The following F13A1 variants were observed in gnomAD, a reference collection of about 807,000 sequenced individuals.
F13A1 encodes the protein coagulation factor XIII A chain.
F13A1 carries 47 observed loss-of-function variants against 80.1 expected under a neutral mutation model. That is an observed-to-expected ratio of 0.59 (90% CI 0.46 to 0.75). The LOEUF (loss-of-function observed/expected upper bound fraction) is 0.75, where lower values mean the gene tolerates loss of function less well. Among genes scored for constraint, F13A1 ranks in the 30% least tolerant of loss-of-function variants. The pLI is 0.00. For synonymous variants in F13A1, 349 were observed against 344.9 expected, an observed-to-expected ratio of 1.01 and a Z score of -0.13; for missense variants, 817 against 930.4, an observed-to-expected ratio of 0.88 and a Z score of 1.59.
intron 12 of F13A1, among the ~76,000 whole-genome samples, chr6:6,173,453 G>A (rs1202449465): frequency 1.3e-5 from 2 of 149,378 alleles, no homozygotes; most frequent in African/African-American, 5.0e-5. Context: ...AGTCACCCAG[G>A]CTGGAGGGCA....
intron 11 of F13A1, among the ~76,000 whole-genome samples, chr6:6,179,038 C>T (rs931987173): frequency 3.3e-5 from 5 of 151,998 alleles, no homozygotes; most frequent in Admixed American, 2.0e-4. Flanking sequence ...GGCAAGGAGG[C>T]GAGGAGGAAG....
intron 7 of F13A1, 33 bp downstream of exon 7, chr6:6,224,653 T>C (rs1334827178): frequency 6.3e-7 from 1 of 1,599,948 alleles, no homozygotes; most frequent in Admixed American, 1.7e-5. Context: ...GTTTCCTTTA[T>C]ATTAAAAAGA....
Position 6,305,513 on chromosome 6 carries a change from G to A in F13A1, c.157C>T (p.Leu53=), listed in dbSNP as rs1440690413. The part of the protein sequence containing the change: ...QEFLNVTSVH[L]FKERWDTNKV... ...TTAGTGTCCCATCTCTCCTTGAACA[G>A]GTGAACGCTCGTGACATTAAGAAAC... is the stretch of plus-strand genomic sequence containing the variant. Residue 53 remains leucine (L), a synonymous_variant, in exon 3 of 15, where the codon CTG becomes TTG. Transcript: ENST00000264870. 10 of 1,614,042 alleles carry A rather than the reference G, an allele frequency of 6.2e-6. No individual in the cohort carries two copies. The highest frequency in any genetic ancestry group is 7.6e-6 in the Non-Finnish European group (9 of 1,180,048).
chr6:6,154,913 CT>C (rs1760446778), intron 13 of F13A1, among the ~76,000 whole-genome samples: 1 of 152,130 alleles, frequency 6.6e-6, no homozygotes, highest in South Asian at 2.1e-4. Flanking sequence ...TATATTCTTT[CT>C]GGAAAAAATA....
chr6:6,299,108 CGA>C (rs894402579), intron 3 of F13A1, among the ~76,000 whole-genome samples: 15 of 140,246 alleles, frequency 1.1e-4, no homozygotes, highest in Non-Finnish European at 1.8e-4. Flanking sequence ...GGGTTTCTGC[CGA>C]GAGATCCGCT....
chr6:6,152,681 A>T (rs1276047830), intron 13 of F13A1, among the ~76,000 whole-genome samples: 1 of 152,184 alleles, frequency 6.6e-6, no homozygotes, highest in Non-Finnish European at 1.5e-5. Flanking sequence ...TGTCTTTAAA[A>T]TGGGCTGACA....
intron 2 of F13A1, among the ~76,000 whole-genome samples, chr6:6,309,267 G>A (rs1359130381): frequency 1.3e-5 from 2 of 151,202 alleles, no homozygotes; most frequent in East Asian, 3.8e-4. Context: ...AATGTGGACA[G>A]ATAATTATGA....
chr6:6,196,799 C>A lies in F13A1; in HGVS notation c.1216+424G>T, dbSNP rs145582756. Among the ~76,000 whole-genome samples, 176 of 152,204 alleles carry A rather than the reference C, an allele frequency of 1.2e-3. No individual in the cohort carries two copies. The Middle Eastern group carries it at 0.027, about 24-fold the overall frequency. ...GGAAATCACATGACATAAAAGGAGG[C>A]CAGGTTCTGGAAAAACAATTTAAAG... On this transcript the variant is annotated intron_variant, in intron 9 of 14. Coordinates refer to ENST00000264870, the MANE Select transcript of F13A1 (RefSeq NM_000129.4).
At chr6:6,195,396 T>C (rs1273415393) in intron 10 of F13A1, among the ~76,000 whole-genome samples, 1 of 152,180 alleles carries the variant, frequency 6.6e-6, no homozygotes, top group African/African-American at 2.4e-5. Flanking sequence ...GTGGATTTTG[T>C]CTTACCTGGA....
chr6:6,155,011 C>T (rs553835934), intron 13 of F13A1, among the ~76,000 whole-genome samples: 2 of 152,242 alleles, frequency 1.3e-5, no homozygotes, highest in Non-Finnish European at 2.9e-5. Context: ...TAGCTACTGA[C>T]CTTTCCTCTA....
chr6:6,248,553 C>A, intron 5 of F13A1, 134 bp from the exon 6 acceptor site: 1 of 710,418 alleles, frequency 1.4e-6, no homozygotes, highest in Non-Finnish European at 2.5e-6. Context: ...CTCCCATAAT[C>A]TTTAGTATGA....
intron 3 of F13A1, among the ~76,000 whole-genome samples, chr6:6,298,576 C>CT (rs983999737): frequency 1.2e-4 from 18 of 146,642 alleles, no homozygotes; most frequent in East Asian, 9.7e-4. Context: ...GCAACCCCTG[C>CT]TTTTTTTTGT....
chr6:6,277,621 T>A (rs1272153065), intron 3 of F13A1, among the ~76,000 whole-genome samples: 1 of 152,204 alleles, frequency 6.6e-6, no homozygotes, highest in Non-Finnish European at 1.5e-5. Context: ...ACAGTTTTGA[T>A]TGCGTAAGAG....
At chr6:6,308,606 C>CT (rs770570204) in intron 2 of F13A1, among the ~76,000 whole-genome samples, 27,575 of 88,980 alleles carry the variant, frequency 0.31, 5,108 homozygotes, top group East Asian at 0.44. Flanking sequence ...AAAACACATT[C>CT]TTTTTTTTTT....
At chr6:6,262,250 T>G (rs1400376993) in intron 4 of F13A1, among the ~76,000 whole-genome samples, 2 of 151,474 alleles carry the variant, frequency 1.3e-5, no homozygotes, top group Non-Finnish European at 2.9e-5. Flanking sequence ...GTGGTGACCC[T>G]CCAGGTGATT....
chr6:6,198,021 A>G (rs1410911056), intron 8 of F13A1, among the ~76,000 whole-genome samples: 1 of 152,262 alleles, frequency 6.6e-6, no homozygotes, highest in Non-Finnish European at 1.5e-5. Flanking sequence ...GAACTTTTTA[A>G]TATAGTTCCT....
At chr6:6,257,488 T>C (rs1352744366) in intron 4 of F13A1, among the ~76,000 whole-genome samples, 1 of 152,178 alleles carries the variant, frequency 6.6e-6, no homozygotes, top group Non-Finnish European at 1.5e-5. Context: ...GGTTCCTCAA[T>C]AGTCAGTTGA....
At chr6:6,230,147 A>G (rs944802028) in intron 6 of F13A1, among the ~76,000 whole-genome samples, 12 of 152,166 alleles carry the variant, frequency 7.9e-5, no homozygotes, top group Non-Finnish European at 1.8e-4. Context: ...ACAGGTGTGG[A>G]AGAACCAAAC....
At chr6:6,187,580 T>A (rs1380293580) in intron 10 of F13A1, among the ~76,000 whole-genome samples, 1 of 117,020 alleles carries the variant, frequency 8.5e-6, no homozygotes, top group Non-Finnish European at 1.8e-5. Context: ...GCCCACTTGA[T>A]CATGGTGAAT....
Sources: gnomAD v4.1 joint callset for allele counts (sites outside exome capture counted in the v4.1 genomes callset) on GRCh38, gnomAD v4.1.1 for gene constraint, MANE v1.5 for transcripts, NCBI Gene and HGNC (gene_info 2026-07-23, HGNC 2026-07-21) for gene names.